The following PYROXD2 variants were observed in gnomAD, a reference collection of about 807,000 sequenced individuals.
The protein encoded by PYROXD2 is pyridine nucleotide-disulfide oxidoreductase domain-containing protein 2.
In PYROXD2, 69 loss-of-function variants were observed where a neutral mutation model predicts 71.1. The observed-to-expected ratio is 0.97, with a 90% confidence interval of 0.80 to 1.19. The LOEUF is 1.19. Ranked by LOEUF, PYROXD2 falls within the 50% of genes most tolerant of loss-of-function variation. The probability of loss-of-function intolerance (pLI) is 0.00; values close to 1 mark genes in which losing one functional copy is unlikely to be tolerated. For synonymous variants in PYROXD2, 287 were observed against 302.7 expected, an observed-to-expected ratio of 0.95 and a Z score of 0.54; for missense variants, 745 against 748.9, an observed-to-expected ratio of 0.99 and a Z score of 0.06.
chr10:98,388,195 G>T, intron 13 of PYROXD2, 159 bp downstream of exon 13: 1 of 686,480 alleles, frequency 1.5e-6, no homozygotes, highest in Non-Finnish European at 2.5e-6. Flanking sequence ...CCTGACCCCT[G>T]CAGTCAACTA....
intron 6 of PYROXD2, among the ~76,000 whole-genome samples, chr10:98,397,096 T>C (rs7072216): frequency 0.51 from 77,355 of 152,064 alleles, 22,300 homozygotes; most frequent in African/African-American, 0.78. Flanking sequence ...TATTTTTGTG[T>C]CTTGGGGTCA....
chr10:98,393,864 C>G (rs1185611523), intron 8 of PYROXD2, among the ~76,000 whole-genome samples: 2 of 152,170 alleles, frequency 1.3e-5, no homozygotes, highest in East Asian at 3.9e-4. Flanking sequence ...CATATCCCAT[C>G]CTCCTAACTA....
Position 98,393,039 on chromosome 10 carries a change from T to C in PYROXD2, c.830A>G (p.Gln277Arg), listed in dbSNP as rs754916124. ...HHVMGGLEGM[Q>R]GAWGYVQGGM... The stretch of plus-strand genomic sequence containing the variant: ...CCCCTGGACGTAGCCCCAGGCCCCC[T>C]GCATTCCCTCCAGGCCCCCCATCAC... Residue 277 changes from glutamine to arginine, a missense_variant, in exon 9 of 16, where the codon CAG (glutamine) becomes CGG (arginine). Coordinates refer to ENST00000370575, the MANE Select transcript of PYROXD2 (RefSeq NM_032709.3). 3.6e-5 allele frequency: 57 copies of C among 1,601,118 alleles called. No individual in the cohort carries two copies. Among genetic ancestry groups the C allele is most frequent in the Non-Finnish European group, 4.8e-5 (56 of 1,173,002 alleles).
At chr10:98,401,826 T>C (rs1042240250) in intron 4 of PYROXD2, among the ~76,000 whole-genome samples, 1 of 152,180 alleles carries the variant, frequency 6.6e-6, no homozygotes, top group Admixed American at 6.5e-5. Flanking sequence ...CGTGGCACTG[T>C]CATCTCCTAG....
chr10:98,398,366 T>G (rs1317521819), intron 5 of PYROXD2, among the ~76,000 whole-genome samples: 1 of 151,996 alleles, frequency 6.6e-6, no homozygotes, highest in Non-Finnish European at 1.5e-5. Flanking sequence ...ACACCCACCC[T>G]CCTTTCCCTG....
At chr10:98,388,101 CTTAA>C (rs1026551080) in intron 13 of PYROXD2, 1 of 485,544 alleles carries the variant, frequency 2.1e-6, no homozygotes, top group African/African-American at 2.0e-5. Flanking sequence ...TAAAAGGTTT[CTTAA>C]TTAGTCTCCT....
intron 2 of PYROXD2, among the ~76,000 whole-genome samples, chr10:98,408,697 A>C: frequency 6.6e-6 from 1 of 152,228 alleles, no homozygotes. Flanking sequence ...TAGTGGAAAA[A>C]TCAATAAATA....
chr10:98,400,286 T>A, intron 4 of PYROXD2, 29 bp from the exon 5 acceptor site: 1 of 1,586,204 alleles, frequency 6.3e-7, no homozygotes, highest in Non-Finnish European at 8.6e-7. Context: ...ATGGGCCACA[T>A]ATTAATGGCT....
chr10:98,397,591 G>A (rs982902399), intron 5 of PYROXD2, 93 bp from the exon 6 acceptor site: 3 of 1,424,666 alleles, frequency 2.1e-6, no homozygotes, highest in Non-Finnish European at 1.9e-6. Context: ...CAGCTTGACG[G>A]TTCCTCAGGC....
At chr10:98,392,598 C>T (rs371199913) in intron 9 of PYROXD2, 32 bp from the exon 10 acceptor site, 210 of 1,605,380 alleles carry the variant, frequency 1.3e-4, no homozygotes, top group Non-Finnish European at 1.7e-4. Context: ...CCCCAGAAAC[C>T]GCAGGAAGGG....
At chr10:98,392,883 A>G in intron 9 of PYROXD2, 59 bp downstream of exon 9, 1 of 1,563,868 alleles carries the variant, frequency 6.4e-7, no homozygotes, top group Non-Finnish European at 8.7e-7. Context: ...CAAATCTGAG[A>G]CTTTGTTCTG....
In PYROXD2 at chr10:98,393,013, C is replaced by G. The variant is rs773564940; in HGVS notation, c.856G>C (p.Gly286Arg). 4.3e-6 allele frequency: 7 copies of G among 1,612,668 alleles called. No homozygotes were observed. In the South Asian group the frequency reaches 6.6e-5, roughly 15 times the overall value. Residue 286 changes from glycine (G) to arginine (R), a missense_variant, in exon 9 of 16, where the codon GGC (glycine) becomes CGC (arginine). Coordinates refer to ENST00000370575, the MANE Select transcript of PYROXD2 (RefSeq NM_032709.3). ...ATCGCATCAGAGAGGGCACCCATGC[C>G]CCCCTGGACGTAGCCCCAGGCCCCC... is the stretch of plus-strand genomic sequence containing the variant. ...MQGAWGYVQG[G>R]MGALSDAIAS...
chr10:98,408,535 C>T (rs1843687098), intron 2 of PYROXD2, among the ~76,000 whole-genome samples: 1 of 151,560 alleles, frequency 6.6e-6, no homozygotes, highest in South Asian at 2.1e-4. Flanking sequence ...CTTCATAAGG[C>T]TGCTGTGAAG....
Position 98,407,449 on chromosome 10 carries a change from C to G in PYROXD2, c.315+133G>C, listed in dbSNP as rs112613697. On this transcript the variant is annotated intron_variant, in intron 4 of 15. Coordinates refer to ENST00000370575, the MANE Select transcript of PYROXD2 (RefSeq NM_032709.3). The stretch of plus-strand genomic sequence containing the variant: ...CAGCAGGGAGACCACGTGGGATACA[C>G]AAGACTTGGGTGGAAGAGGGAGCCC... The G allele has an allele frequency of 2.2e-5, 24 of 1,089,640 alleles. 1 individual carries two copies. Among genetic ancestry groups the G allele is most frequent in the African/African-American group, 2.0e-4 (13 of 63,840 alleles). The allele number at this position is 1,089,640 out of a possible 1,614,324, so 67.5% of individuals were successfully genotyped here.
chr10:98,392,224 T>C (rs1325052720), intron 10 of PYROXD2, among the ~76,000 whole-genome samples: 4 of 152,330 alleles, frequency 2.6e-5, no homozygotes, highest in Admixed American at 1.3e-4. Flanking sequence ...GGCCGGAATC[T>C]TGGTCACTTC....
intron 4 of PYROXD2, among the ~76,000 whole-genome samples, chr10:98,400,517 ACAC>A (rs551913116): frequency 6.5e-4 from 99 of 152,164 alleles, no homozygotes; most frequent in Non-Finnish European, 1.2e-3. Flanking sequence ...ACCATGCCAT[ACAC>A]CACGCCATGC....
chr10:98,408,717 C>T (rs1407739206), intron 2 of PYROXD2, among the ~76,000 whole-genome samples: 1 of 152,138 alleles, frequency 6.6e-6, no homozygotes, highest in Non-Finnish European at 1.5e-5. Context: ...ATTTGTTGAA[C>T]CAAACTGGTC....
In PYROXD2 at chr10:98,384,942, C is replaced by T; in HGVS notation, c.1675+5G>A. ...CACAGGGTAGTGGGACTCCAGGTCA[C>T]TCACCAGGATGAGCCCCACTTCCAC... is the stretch of plus-strand genomic sequence containing the variant. On this transcript the variant is annotated splice_donor_5th_base_variant and intron_variant, in intron 15 of 15. Coordinates refer to ENST00000370575, the MANE Select transcript of PYROXD2 (RefSeq NM_032709.3). 6 of 1,609,004 alleles carry T rather than the reference C, an allele frequency of 3.7e-6. No homozygotes were observed. Among genetic ancestry groups the T allele is most frequent in the Non-Finnish European group, 5.1e-6 (6 of 1,178,374 alleles).
At chr10:98,412,486 T>C (rs1274847200) in intron 1 of PYROXD2, among the ~76,000 whole-genome samples, 1 of 152,182 alleles carries the variant, frequency 6.6e-6, no homozygotes, top group African/African-American at 2.4e-5. Flanking sequence ...TGCTGACCTC[T>C]GGGAGACACC....
Sources: gnomAD v4.1 joint callset for allele counts (sites outside exome capture counted in the v4.1 genomes callset) on GRCh38, gnomAD v4.1.1 for gene constraint, MANE v1.5 for transcripts, NCBI Gene and HGNC (gene_info 2026-07-23, HGNC 2026-07-21) for gene names.